The following CDH20 variants were observed in gnomAD, a reference collection of about 807,000 sequenced individuals.
The protein encoded by CDH20 is cadherin-20.
Under a neutral mutation model 74.2 loss-of-function variants are expected in CDH20, and 29 were observed. The observed-to-expected ratio is 0.39, with a 90% CI of 0.29 to 0.53. CDH20 has a LOEUF of 0.53. Among genes scored for constraint, CDH20 ranks in the 20% least tolerant of loss-of-function variants. The pLI, the probability that CDH20 is intolerant of heterozygous loss-of-function variation, is 0.69. For synonymous variants in CDH20, 469 were observed against 405.4 expected, an observed-to-expected ratio of 1.16 and a Z score of -1.88; for missense variants, 988 against 1,048.3, an observed-to-expected ratio of 0.94 and a Z score of 0.79.
chr18:61,342,800 T>C (rs1414133952), intron 1 of CDH20, among the ~76,000 whole-genome samples: 1 of 152,226 alleles, frequency 6.6e-6, no homozygotes, highest in Non-Finnish European at 1.5e-5. Context: ...ATGTAGATAG[T>C]TCCCATGGTT....
intron 6 of CDH20, among the ~76,000 whole-genome samples, chr18:61,512,595 T>G (rs555254221): frequency 2.0e-5 from 3 of 152,332 alleles, no homozygotes; most frequent in East Asian, 3.9e-4. Flanking sequence ...TCCATGCCGC[T>G]GTTTCCATGC....
At chr18:61,368,381 C>G (rs1490260791) in intron 1 of CDH20, among the ~76,000 whole-genome samples, 1 of 127,548 alleles carries the variant, frequency 7.8e-6, no homozygotes, top group Non-Finnish European at 1.5e-5. Flanking sequence ...TATGATGGTG[C>G]CTTAGATATT....
chr18:61,347,348 A>T (rs1014614160), intron 1 of CDH20, among the ~76,000 whole-genome samples: 1 of 140,984 alleles, frequency 7.1e-6, no homozygotes, highest in African/African-American at 2.8e-5. Context: ...ACACACACAC[A>T]CACATATATA....
chr18:61,479,281 C>A (rs1003528385), intron 1 of CDH20, among the ~76,000 whole-genome samples: 5 of 152,088 alleles, frequency 3.3e-5, no homozygotes, highest in African/African-American at 1.2e-4. Flanking sequence ...CCTGCTCCAA[C>A]CTCAAAACCC....
chr18:61,340,842 G>T (rs1244475534), intron 1 of CDH20, among the ~76,000 whole-genome samples: 3 of 152,132 alleles, frequency 2.0e-5, no homozygotes, highest in Non-Finnish European at 4.4e-5. Flanking sequence ...ATTGGATAAA[G>T]AAATTTCATT....
rs1384633811 is a variant in CDH20, at chr18:61,353,554, T to C, written c.-153+19727T>C. 1.3e-5 allele frequency among the ~76,000 whole-genome samples: 2 copies of C among 152,224 alleles called. No individual in the cohort carries two copies. The highest frequency in any genetic ancestry group is 4.1e-4 in the South Asian group (2 of 4,834). On this transcript the variant is annotated intron_variant, in intron 1 of 11. Coordinates refer to ENST00000262717, the MANE Select transcript of CDH20 (RefSeq NM_031891.4). The surrounding 1 kb of genome is among the most constrained non-coding windows in gnomAD (Gnocchi z 4.6). ...ACACAGCTTTACTTGCTTTTGAATA[T>C]CCGACAGTGTGTATCACAGTGCTTT...
In CDH20 at chr18:61,528,347, GT is replaced by G. The variant is rs1395451623; in HGVS notation, c.1271+133del. ...CATTTCTGGAGACTCTCCTCTTTGA[GT>G]TTTTTGTGTTGTTTTTTTTTTTTTC... is the stretch of plus-strand genomic sequence containing the variant. On this transcript the variant is annotated intron_variant, in intron 7 of 11. Coordinates refer to ENST00000262717, the MANE Select transcript of CDH20 (RefSeq NM_031891.4). The G allele has an allele frequency of 7.9e-5, 70 of 888,144 alleles. No homozygotes were observed. In the East Asian group the frequency reaches 1.8e-3, roughly 23 times the overall value. 55.0% of individuals were successfully genotyped at this position (888,144 alleles called of 1,614,324 possible).
intron 1 of CDH20, among the ~76,000 whole-genome samples, chr18:61,475,825 CTCT>C (rs149329353): frequency 0.01 from 1,529 of 152,290 alleles, 22 homozygotes; most frequent in African/African-American, 0.033. Flanking sequence ...GCATAGAATT[CTCT>C]TCTTTAGAGA....
At chr18:61,460,570 C>T (rs1210450163) in intron 1 of CDH20, among the ~76,000 whole-genome samples, 2 of 148,892 alleles carry the variant, frequency 1.3e-5, no homozygotes, top group South Asian at 2.2e-4. Flanking sequence ...AATTGTGTGT[C>T]GTCTTTGCTG....
At chr18:61,356,919 A>T (rs1372685943) in intron 1 of CDH20, among the ~76,000 whole-genome samples, 1 of 152,230 alleles carries the variant, frequency 6.6e-6, no homozygotes, top group Non-Finnish European at 1.5e-5. Flanking sequence ...CTGCTGACAA[A>T]GTTCTTGAAG....
At chr18:61,503,749 G>T (rs1433038353) in intron 5 of CDH20, among the ~76,000 whole-genome samples, 11 of 152,208 alleles carry the variant, frequency 7.2e-5, no homozygotes, top group Admixed American at 6.5e-4. Flanking sequence ...TTAAACCGTA[G>T]TAGCATTTGC....
In CDH20 at chr18:61,554,423, G is replaced by C. The variant is rs767438940; in HGVS notation, c.2134G>C (p.Val712Leu). ...CGAGATCGAGAGCCTCTCCCGCTAC[G>C]TGCCTCAGACGTGCGCAGTGAACAG... is the stretch of plus-strand genomic sequence containing the variant. ...LPEIESLSRY[V>L]PQTCAVNSTV... The change falls in exon 12 of 12, where the codon GTG becomes CTG. Residue 712 changes from valine (V) to leucine (L), a missense_variant. Physicochemically the swap from Val to Leu is conservative, Grantham distance 32. Transcript: ENST00000262717. 1.2e-6 allele frequency: 2 copies of C among 1,613,076 alleles called. No homozygotes were observed. Among genetic ancestry groups the C allele is most frequent in the Admixed American group, 1.7e-5 (1 of 60,006 alleles).
chr18:61,465,624 T>C (rs11877523), intron 1 of CDH20, among the ~76,000 whole-genome samples: 62,787 of 150,232 alleles, frequency 0.42, 13,266 homozygotes, highest in Middle Eastern at 0.61. Flanking sequence ...ACTACGTGGG[T>C]TGGAATTTTG....
chr18:61,505,934 T>C (rs536729530), intron 5 of CDH20, among the ~76,000 whole-genome samples: 2 of 152,350 alleles, frequency 1.3e-5, no homozygotes, highest in African/African-American at 4.8e-5. Context: ...CTATCTTGGC[T>C]ATACTCTTAT....
intron 1 of CDH20, among the ~76,000 whole-genome samples, chr18:61,440,198 C>T (rs1273415274): frequency 6.6e-6 from 1 of 152,134 alleles, no homozygotes. Context: ...TTTGGCTTAG[C>T]CATGTGACTT....
chr18:61,333,878 G>A (rs1909651796), intron 1 of CDH20, 51 bp downstream of exon 1: 1 of 152,280 alleles, frequency 6.6e-6, no homozygotes, highest in African/African-American at 2.4e-5. Context: ...TGGGACTCCG[G>A]GCGCGCGGAG....
chr18:61,415,273 T>C (rs2144258867), intron 1 of CDH20, among the ~76,000 whole-genome samples: 1 of 152,312 alleles, frequency 6.6e-6, no homozygotes, highest in South Asian at 2.1e-4. Flanking sequence ...AAATATATAT[T>C]TTAAGTCATT....
chr18:61,358,768 C>T (rs997701720), intron 1 of CDH20, among the ~76,000 whole-genome samples: 1 of 152,088 alleles, frequency 6.6e-6, no homozygotes, highest in Non-Finnish European at 1.5e-5. Flanking sequence ...CTTGAATTTC[C>T]ATATTGCTTA....
At chr18:61,376,138 A>C (rs1179180449) in intron 1 of CDH20, among the ~76,000 whole-genome samples, 1 of 152,056 alleles carries the variant, frequency 6.6e-6, no homozygotes, top group African/African-American at 2.4e-5. Flanking sequence ...TGAGCCCCCT[A>C]GTAGTCTAGT....
Sources: gnomAD v4.1 joint callset for allele counts (sites outside exome capture counted in the v4.1 genomes callset) on GRCh38, gnomAD v4.1.1 for gene constraint, Gnocchi (gnomAD v3.1) non-coding constraint, MANE v1.5 for transcripts, NCBI Gene and HGNC (gene_info 2026-07-23, HGNC 2026-07-21) for gene names.